RBM44: variants seen among roughly 807,000 people sequenced by gnomAD.
RBM44 encodes RNA binding motif protein 44.
In RBM44, 66 loss-of-function variants were observed where a neutral mutation model predicts 105.1. The observed-to-expected ratio is 0.63, with a 90% confidence interval of 0.52 to 0.77. The LOEUF (loss-of-function observed/expected upper bound fraction) is 0.77. RBM44 is among the 30% of genes least tolerant of loss of function. The pLI is 0.00. For synonymous variants in RBM44, 365 were observed against 417.6 expected, an observed-to-expected ratio of 0.87 and a Z score of 1.54; for missense variants, 1,122 against 1,207.8, an observed-to-expected ratio of 0.93 and a Z score of 1.05.
chr2:237,819,066 C>T (rs2061754757), intron 4 of RBM44, 107 bp downstream of exon 4: 1 of 501,996 alleles, frequency 2.0e-6, no homozygotes, highest in African/African-American at 2.0e-5. Flanking sequence ...CTAAAATGGA[C>T]TTTAAGAAAT....
rs775860272 is a variant in RBM44, at chr2:237,834,013, G to A, written c.2903G>A (p.Cys968Tyr). Residue 968 changes from cysteine to tyrosine, a missense_variant, in exon 14 of 16, where the codon TGT becomes TAT. Coordinates refer to ENST00000316997, the MANE Select transcript of RBM44 (RefSeq NM_001080504.3). Reference protein sequence around the residue: ...FPSDQGVKKNCKQIESAKLLP... With the variant: ...FPSDQGVKKNYKQIESAKLLP... ...CTTATTTAGGGTGTCAAGAAGAATT[G>A]TAAGCAGATTGAATCTGCTAAATTA... The A allele has an allele frequency of 1.9e-6, 3 of 1,548,588 alleles. No individual in the cohort carries two copies. Among genetic ancestry groups the A allele is most frequent in the African/African-American group, 2.7e-5 (2 of 73,782 alleles).
intron 4 of RBM44, 66 bp from the exon 5 acceptor site, chr2:237,820,108 TG>T: frequency 1.2e-6 from 1 of 811,510 alleles, no homozygotes; most frequent in Non-Finnish European, 1.8e-6. Flanking sequence ...AATCTGTTTC[TG>T]GAGGCATGTT....
intron 1 of RBM44, among the ~76,000 whole-genome samples, chr2:237,807,820 A>G (rs1420420396): frequency 6.6e-6 from 1 of 152,220 alleles, no homozygotes; most frequent in East Asian, 1.9e-4. Context: ...AACATCTCAA[A>G]TTTCAGTTAG....
intron 1 of RBM44, among the ~76,000 whole-genome samples, chr2:237,801,133 A>G (rs2061541912): frequency 6.6e-6 from 1 of 152,106 alleles, no homozygotes; most frequent in Admixed American, 6.5e-5. Context: ...CTAGGGGACC[A>G]TCCTGGGCAG....
chr2:237,803,436 C>A lies in RBM44; in HGVS notation c.-19+4575C>A, dbSNP rs1041657793. Among the ~76,000 whole-genome samples the A allele has an allele frequency of 6.6e-5, 10 of 152,254 alleles. No homozygotes were observed. The East Asian group carries it at 1.9e-3, about 29-fold the overall frequency. ...ACCGTGGTTGTTTAAATTTGCATTT[C>A]CCTGATGACTAATGATGTTGAGCAT... On this transcript the variant is annotated intron_variant, in intron 1 of 15. Coordinates refer to ENST00000316997, the MANE Select transcript of RBM44 (RefSeq NM_001080504.3). The surrounding 1 kb of genome is among the most constrained non-coding windows in gnomAD (Gnocchi z 4.2).
Position 237,818,091 on chromosome 2 carries a change from C to T in RBM44, c.1172C>T (p.Ser391Phe), listed in dbSNP as rs374714950. 24 of 1,612,852 alleles carry T rather than the reference C, an allele frequency of 1.5e-5. No homozygotes were observed. In the African/African-American group the frequency reaches 2.9e-4, roughly 20 times the overall value. The change falls in exon 3 of 16, where the codon TCT becomes TTT. Residue 391 changes from serine (S) to phenylalanine (F), a missense_variant. Ser to Phe is a radical substitution (Grantham distance 155, BLOSUM62 -2). Coordinates refer to ENST00000316997, the MANE Select transcript of RBM44 (RefSeq NM_001080504.3). This position sits in a 1 kb window ranked among gnomAD's most constrained non-coding sequence, Gnocchi z 4.6. The part of the protein sequence containing the change: ...WTSVFDDSII[S>F]ACGYYESLQN... ...TCTGTTTTTGATGATTCGATAATTT[C>T]TGCCTGTGGATATTATGAAAGCCTA...
intron 9 of RBM44, 127 bp downstream of exon 9, chr2:237,823,681 A>G (rs143614271): frequency 3.2e-5 from 18 of 559,836 alleles, no homozygotes; most frequent in African/African-American, 1.7e-4. Flanking sequence ...CATTCTGATT[A>G]TAAATGTCAA....
intron 2 of RBM44, 125 bp downstream of exon 2, chr2:237,813,807 GTA>G (rs1485560067): frequency 3.2e-6 from 2 of 625,248 alleles, no homozygotes; most frequent in Non-Finnish European, 5.7e-6. Flanking sequence ...GTAAGACTCA[GTA>G]TATTTTTAAC....
At chr2:237,833,109 A>T (rs747705259) in intron 13 of RBM44, among the ~76,000 whole-genome samples, 3 of 152,250 alleles carry the variant, frequency 2.0e-5, no homozygotes, top group Non-Finnish European at 2.9e-5. Flanking sequence ...TTAAACAAAT[A>T]GTTATTACAT....
chr2:237,820,273 A>G lies in RBM44; in HGVS notation c.1835A>G (p.Asn612Ser). 1 of 1,603,536 alleles carries G rather than the reference A, an allele frequency of 6.2e-7. No homozygotes were observed. The highest frequency in any genetic ancestry group is 8.5e-7 in the Non-Finnish European group (1 of 1,173,774). The change falls in exon 5 of 16, where the codon AAT (asparagine) becomes AGT (serine). Residue 612 changes from asparagine (N) to serine (S), a missense_variant. By Grantham distance (46) the Asn-to-Ser change is conservative. This residue lies in a region of RBM44 where 918 missense variants were observed against 955.3 expected (regional missense o/e 0.96). Coordinates refer to ENST00000316997, the MANE Select transcript of RBM44 (RefSeq NM_001080504.3). ...ATAAAAGCAGAGCTGCACCTTTTAA[A>G]TGTTCACTATCAGATGTGTCGTCGC... is the stretch of plus-strand genomic sequence containing the variant. ...RAIKAELHLL[N>S]VHYQMCRRHC...
At chr2:237,827,582 C>A in intron 12 of RBM44, 79 bp downstream of exon 12, 1 of 819,252 alleles carries the variant, frequency 1.2e-6, no homozygotes, top group Admixed American at 2.4e-5. Context: ...ATATCAGCCA[C>A]AGTGGTGATA....
At position 237,821,109 on chromosome 2, in the gene RBM44, C is replaced by A; in HGVS notation, c.1952C>A (p.Ser651Ter). ...SSNSAKKELG[S>*]ALLSLLGDLK... is the part of the protein sequence containing the mutation. ...AATTCTGCTAAGAAGGAATTGGGAT[C>A]AGCACTACTGTCTCTTTTGGGGGAC... The change falls in exon 6 of 16, where the codon TCA becomes TAA. Residue 651 changes from serine (S) to a stop codon, truncating the protein, a stop_gained. Transcript: ENST00000316997. LOFTEE classifies it high-confidence loss of function. 2 of 1,594,898 alleles carry A rather than the reference C, an allele frequency of 1.3e-6. No individual in the cohort carries two copies. Among genetic ancestry groups the A allele is most frequent in the Non-Finnish European group, 1.7e-6 (2 of 1,175,196 alleles).
At chr2:237,815,607 A>T (rs1402062555) in intron 2 of RBM44, among the ~76,000 whole-genome samples, 2 of 152,128 alleles carry the variant, frequency 1.3e-5, no homozygotes, top group African/African-American at 4.8e-5. Context: ...TAAAATAGAA[A>T]ATACAAGAAT....
intron 2 of RBM44, among the ~76,000 whole-genome samples, chr2:237,816,611 A>G (rs2061719622): frequency 6.6e-6 from 1 of 152,146 alleles, no homozygotes; most frequent in South Asian, 2.1e-4. Flanking sequence ...CAGCATGGTC[A>G]GGTTCTGGTG....
intron 1 of RBM44, among the ~76,000 whole-genome samples, chr2:237,809,000 A>G (rs1025823763): frequency 1.3e-5 from 2 of 152,200 alleles, no homozygotes; most frequent in African/African-American, 4.8e-5. Flanking sequence ...TGTACCCAAC[A>G]TTGTCAAATC....
chr2:237,831,438 G>T (rs1439110794), intron 13 of RBM44, among the ~76,000 whole-genome samples: 1 of 151,878 alleles, frequency 6.6e-6, no homozygotes, highest in Non-Finnish European at 1.5e-5. Flanking sequence ...CTACTACCTT[G>T]CCTGGCTAAT....
chr2:237,817,507 C>T lies in RBM44; in HGVS notation c.588C>T (p.Tyr196=). 3 of 1,606,776 alleles carry T rather than the reference C, an allele frequency of 1.9e-6. No homozygotes were observed. Among genetic ancestry groups the T allele is most frequent in the African/African-American group, 1.3e-5 (1 of 74,886 alleles). ...ATCACAGTGCAGAAGAACAAGAATA[C>T]ATAAGTAACCATTTATCTTTTGACC... ...QEYHSAEEQE[Y]ISNHLSFDQT... Residue 196 remains tyrosine (Y), a synonymous_variant, in exon 3 of 16, where the codon TAC becomes TAT. Transcript: ENST00000316997.
At chr2:237,799,992 A>G (rs775897023) in intron 1 of RBM44, among the ~76,000 whole-genome samples, 1 of 152,194 alleles carries the variant, frequency 6.6e-6, no homozygotes, top group East Asian at 1.9e-4. Flanking sequence ...AAAAATGGGC[A>G]TGTACCTAGG....
At chr2:237,800,708 C>T (rs1300383244) in intron 1 of RBM44, among the ~76,000 whole-genome samples, 1 of 150,938 alleles carries the variant, frequency 6.6e-6, no homozygotes, top group Non-Finnish European at 1.5e-5. Context: ...AAAAAAAATA[C>T]TCCTTGGGAC....
Sources: gnomAD v4.1 joint callset for allele counts (sites outside exome capture counted in the v4.1 genomes callset) on GRCh38, gnomAD v4.1.1 for gene constraint, gnomAD v4.1.1 regional missense constraint, Gnocchi (gnomAD v3.1) non-coding constraint, MANE v1.5 for transcripts, NCBI Gene and HGNC (gene_info 2026-07-23, HGNC 2026-07-21) for gene names.